Variants in IQGAP1 observed in about 807,000 individuals in gnomAD.
IQGAP1 encodes the protein ras GTPase-activating-like protein IQGAP1.
In IQGAP1, 66 loss-of-function variants were observed where a neutral mutation model predicts 215.6. The ratio of observed to expected loss-of-function variants is 0.31; its 90% CI spans 0.25 to 0.38. The LOEUF is 0.38. Among genes scored for constraint, IQGAP1 ranks in the 10% least tolerant of loss-of-function variants. The pLI is 1.00. For missense variants in IQGAP1, 1,712 were observed against 1,997.1 expected, an observed-to-expected ratio of 0.86 and a Z score of 2.72; for synonymous variants, 772 against 728.7, an observed-to-expected ratio of 1.06 and a Z score of -0.96.
At chr15:90,422,987 G>A (rs539712166) in intron 2 of IQGAP1, among the ~76,000 whole-genome samples, 18 of 150,932 alleles carry the variant, frequency 1.2e-4, no homozygotes, top group African/African-American at 2.4e-4. Flanking sequence ...GAGCTACTGT[G>A]CCTGGCCATT....
intron 2 of IQGAP1, among the ~76,000 whole-genome samples, chr15:90,405,946 T>C (rs1390167336): frequency 6.6e-6 from 1 of 152,198 alleles, no homozygotes; most frequent in African/African-American, 2.4e-5. Flanking sequence ...ACATTCTCCG[T>C]TGAGTTATCC....
At chr15:90,422,620 ATAT>A (rs922988980) in intron 2 of IQGAP1, among the ~76,000 whole-genome samples, 1 of 74,332 alleles carries the variant, frequency 1.3e-5, no homozygotes, top group African/African-American at 5.3e-5. Flanking sequence ...ATATATATAT[ATAT>A]ATGTATATAT....
intron 5 of IQGAP1, among the ~76,000 whole-genome samples, chr15:90,436,078 T>C (rs1427826527): frequency 4.7e-5 from 7 of 148,268 alleles, no homozygotes; most frequent in East Asian, 4.1e-4. Context: ...TTTTTTTTTT[T>C]CCTCTAAAGT....
At chr15:90,398,509 A>G (rs1964758404) in intron 2 of IQGAP1, among the ~76,000 whole-genome samples, 1 of 152,172 alleles carries the variant, frequency 6.6e-6, no homozygotes, top group East Asian at 1.9e-4. Context: ...TATAATCACA[A>G]ATTCAGATTT....
At chr15:90,423,865 A>G (rs1037674342) in intron 2 of IQGAP1, among the ~76,000 whole-genome samples, 5 of 152,184 alleles carry the variant, frequency 3.3e-5, no homozygotes, top group African/African-American at 1.2e-4. Context: ...GGGAGATGTT[A>G]CCATGGGCTC....
intron 37 of IQGAP1, among the ~76,000 whole-genome samples, chr15:90,499,203 A>C (rs1374639850): frequency 6.6e-6 from 1 of 152,198 alleles, no homozygotes; most frequent in African/African-American, 2.4e-5. Flanking sequence ...GATTTCTTAA[A>C]CTTGTTCAGG....
intron 15 of IQGAP1, among the ~76,000 whole-genome samples, chr15:90,456,887 C>CAA (rs745807702): frequency 0.011 from 1,566 of 138,444 alleles, 40 homozygotes; most frequent in East Asian, 0.098. Context: ...GACTCCGTCT[C>CAA]AAAAAAATAT....
At chr15:90,448,481 T>G in intron 9 of IQGAP1, 92 bp from the exon 10 acceptor site, 3 of 1,134,144 alleles carry the variant, frequency 2.6e-6, no homozygotes, top group South Asian at 1.8e-5. Flanking sequence ...TATTTCCTTA[T>G]CTGGAACTGA....
At chr15:90,427,536 T>TC (rs1965240880) in intron 3 of IQGAP1, among the ~76,000 whole-genome samples, 1 of 151,990 alleles carries the variant, frequency 6.6e-6, no homozygotes, top group Non-Finnish European at 1.5e-5. Context: ...GGTCAGGAGT[T>TC]CAAGACAAAC....
intron 2 of IQGAP1, among the ~76,000 whole-genome samples, chr15:90,418,392 G>A (rs1409584523): frequency 6.6e-6 from 1 of 151,582 alleles, no homozygotes; most frequent in African/African-American, 2.4e-5. Flanking sequence ...TTGGAGACCA[G>A]CCTGAGTAAC....
rs73474975 is a variant in IQGAP1 at position 90,396,707 on chromosome 15, G to A, written c.155+5834G>A. Among the ~76,000 whole-genome samples, 809 of 152,220 alleles carry A rather than the reference G, an allele frequency of 5.3e-3. 9 individuals are homozygous for A. The highest frequency in any genetic ancestry group is 0.019 in the African/African-American group (791 of 41,530). On this transcript the variant is annotated intron_variant, in intron 2 of 37. Coordinates refer to ENST00000268182, the MANE Select transcript of IQGAP1 (RefSeq NM_003870.4). Reference sequence around the variant, plus strand: ...GGACAGGCTCCACCATAAGAAGTGGGTTGCATTTAAAAGTGTATTTATTAA... The same window carrying A: ...GGACAGGCTCCACCATAAGAAGTGGATTGCATTTAAAAGTGTATTTATTAA...
At chr15:90,466,774 A>C (rs1965838576) in intron 17 of IQGAP1, among the ~76,000 whole-genome samples, 1 of 152,224 alleles carries the variant, frequency 6.6e-6, no homozygotes, top group Non-Finnish European at 1.5e-5. Flanking sequence ...AAGATTTCTT[A>C]CCCCATTTTA....
Position 90,473,707 on chromosome 15 carries a change from T to C in IQGAP1, c.2350-8T>C. On this transcript the variant is annotated splice_region_variant and splice_polypyrimidine_tract_variant and intron_variant, in intron 19 of 37. Transcript: ENST00000268182. ...TAATATGTCTTCTGTAACATTTGAC[T>C]GTTTCAGTCACAGTGGAGAGGATAC... is the stretch of plus-strand genomic sequence containing the variant. The C allele has an allele frequency of 6.3e-7, 1 of 1,598,018 alleles. No individual in the cohort carries two copies. Among genetic ancestry groups the C allele is most frequent in the Non-Finnish European group, 8.6e-7 (1 of 1,166,844 alleles).
chr15:90,482,552 AG>A (rs1299644319), intron 28 of IQGAP1: 1 of 441,894 alleles, frequency 2.3e-6, no homozygotes, highest in East Asian at 5.1e-5. Context: ...TTTTCGCTGT[AG>A]TATTGTTCCC....
intron 7 of IQGAP1, 143 bp from the exon 8 acceptor site, chr15:90,441,363 C>T (rs180973660): frequency 1.5e-4 from 104 of 695,836 alleles, no homozygotes; most frequent in Non-Finnish European, 2.0e-4. Flanking sequence ...AGCCAGTCTT[C>T]GAACCCCAGT....
chr15:90,435,449 C>G (rs1173729654), intron 5 of IQGAP1, among the ~76,000 whole-genome samples: 1 of 152,162 alleles, frequency 6.6e-6, no homozygotes, highest in African/African-American at 2.4e-5. Context: ...GCACTTCAGC[C>G]TGGATGACAG....
At chr15:90,449,412 C>A in intron 10 of IQGAP1, 147 bp from the exon 11 acceptor site, 1 of 592,730 alleles carries the variant, frequency 1.7e-6, no homozygotes. Context: ...CTACCTGGGG[C>A]TGCCACCTTG....
intron 2 of IQGAP1, among the ~76,000 whole-genome samples, chr15:90,417,199 C>T (rs2151010078): frequency 6.6e-6 from 1 of 152,260 alleles, no homozygotes; most frequent in East Asian, 1.9e-4. Flanking sequence ...TGTGCAGAAG[C>T]TCTTTCGTTT....
Position 90,484,340 on chromosome 15 carries a change from C to A in IQGAP1, c.3909C>A (p.Ile1303=), listed in dbSNP as rs373322953. ...TCTACATTTCCATTGGTGAAATCAT[C>A]AACACCCACACTGTAAGTATTTTTC... The part of the protein sequence containing the change: ...PVIYISIGEI[I]NTHTLLLDHQ... The change falls in exon 30 of 38, where the codon ATC becomes ATA. Residue 1303 remains isoleucine (I), a synonymous_variant. Coordinates refer to ENST00000268182, the MANE Select transcript of IQGAP1 (RefSeq NM_003870.4). 1 of 1,611,094 alleles carries A rather than the reference C, an allele frequency of 6.2e-7. No individual in the cohort carries two copies. The highest frequency in any genetic ancestry group is 8.5e-7 in the Non-Finnish European group (1 of 1,177,400).
Sources: allele counts gnomAD v4.1 joint callset (sites outside exome capture counted in the v4.1 genomes callset), GRCh38; gene constraint gnomAD v4.1.1; transcripts MANE v1.5; gene names NCBI Gene and HGNC (gene_info 2026-07-23, HGNC 2026-07-21).